Variants in SLC24A2 observed in about 807,000 individuals in gnomAD.
SLC24A2 encodes the protein solute carrier family 24 member 2, also known as sodium/potassium/calcium exchanger 2.
SLC24A2 carries 36 observed loss-of-function variants against 62.0 expected under a neutral mutation model. The observed-to-expected ratio is 0.58, with a 90% CI of 0.44 to 0.77. The LOEUF is 0.77. SLC24A2 is among the 30% of genes least tolerant of loss of function. SLC24A2 has a pLI of 0.00. For missense variants in SLC24A2, 846 were observed against 817.9 expected, an observed-to-expected ratio of 1.03 and a Z score of -0.42; for synonymous variants, 358 against 294.0, an observed-to-expected ratio of 1.22 and a Z score of -2.23.
chr9:19,856,394 T>G, the SLC24A2 span, among the ~76,000 whole-genome samples: 3 of 152,010 alleles, frequency 2.0e-5, no homozygotes, highest in Non-Finnish European at 4.4e-5. Flanking sequence ...AGCAATTTTG[T>G]GTTGATTTTT....
At chr9:19,742,044 T>G (rs1415586002) in intron 2 of SLC24A2, among the ~76,000 whole-genome samples, 1 of 152,214 alleles carries the variant, frequency 6.6e-6, no homozygotes, top group Non-Finnish European at 1.5e-5. Context: ...TTCACACTAT[T>G]TCTTTTAAAG....
At chr9:19,801,534 A>G in the SLC24A2 span, among the ~76,000 whole-genome samples, 978 of 152,312 alleles carry the variant, frequency 6.4e-3, 11 homozygotes, top group African/African-American at 0.022. Context: ...GCTCCCATAC[A>G]AAGGGAGGGG....
intron 7 of SLC24A2, among the ~76,000 whole-genome samples, chr9:19,569,982 A>AT (rs1164197839): frequency 1.3e-5 from 2 of 152,056 alleles, no homozygotes; most frequent in African/African-American, 4.8e-5. Flanking sequence ...GAGCCTCTCC[A>AT]TTTTCCTTCC....
intron 2 of SLC24A2, among the ~76,000 whole-genome samples, chr9:19,726,653 C>A (rs1017864978): frequency 1.3e-5 from 2 of 152,160 alleles, no homozygotes; most frequent in African/African-American, 4.8e-5. Context: ...TTATTTGGCA[C>A]TAAATATCCT....
At chr9:20,229,603 T>C in the SLC24A2 span, among the ~76,000 whole-genome samples, 1 of 152,110 alleles carries the variant, frequency 6.6e-6, no homozygotes, top group Non-Finnish European at 1.5e-5. Context: ...TTTGTCAACT[T>C]TTCCTTTGAG....
At chr9:19,701,678 AC>A in intron 2 of SLC24A2, among the ~76,000 whole-genome samples, 1 of 152,268 alleles carries the variant, frequency 6.6e-6, no homozygotes, top group Non-Finnish European at 1.5e-5. Flanking sequence ...GCACAAGTAG[AC>A]CCAAACTGTG....
At chr9:19,835,889 G>A in the SLC24A2 span, among the ~76,000 whole-genome samples, 2 of 152,196 alleles carry the variant, frequency 1.3e-5, no homozygotes, top group Non-Finnish European at 2.9e-5. Flanking sequence ...TTAGACAACA[G>A]TGCAATCAAA....
the SLC24A2 span, among the ~76,000 whole-genome samples, chr9:20,280,279 A>G: frequency 1.3e-5 from 2 of 152,178 alleles, no homozygotes; most frequent in Admixed American, 6.5e-5. Context: ...AGGTGGTCCT[A>G]TCTTCAGGCA....
chr9:20,288,027 G>T, the SLC24A2 span, among the ~76,000 whole-genome samples: 1 of 75,680 alleles, frequency 1.3e-5, no homozygotes, highest in Non-Finnish European at 2.1e-5. Flanking sequence ...TGGGAAGGGA[G>T]GAGTTAGGAA....
chr9:20,232,384 A>G, the SLC24A2 span, among the ~76,000 whole-genome samples: 2 of 152,170 alleles, frequency 1.3e-5, no homozygotes, highest in African/African-American at 4.8e-5. Flanking sequence ...TTTGGTTGGT[A>G]AGCTATTGAT....
intron 4 of SLC24A2, among the ~76,000 whole-genome samples, chr9:19,605,821 T>A (rs1391873625): frequency 1.3e-5 from 2 of 152,254 alleles, no homozygotes; most frequent in African/African-American, 4.8e-5. Context: ...TTATCTTTCC[T>A]ATTTTACAAA....
the SLC24A2 span, among the ~76,000 whole-genome samples, chr9:19,877,295 A>G: frequency 6.7e-6 from 1 of 148,648 alleles, no homozygotes; most frequent in Admixed American, 6.7e-5. Context: ...ACAGGCTGGG[A>G]AGAGAGAGAC....
rs186792670 is a variant in SLC24A2, at chr9:19,748,579, G to T, written c.930+37358C>A. Among the ~76,000 whole-genome samples the T allele has an allele frequency of 9.6e-4, 146 of 152,168 alleles. 1 individual carries two copies. The highest frequency in any genetic ancestry group is 3.3e-3 in the African/African-American group (138 of 41,524). On this transcript the variant is annotated intron_variant, in intron 2 of 10. Coordinates refer to ENST00000341998, the MANE Select transcript of SLC24A2 (RefSeq NM_020344.4). ...GTGGGTTAATGTTAAAATTATGATC[G>T]TTGTGGTTTAACCTGATAATAAATT...
chr9:20,093,013 G>C, the SLC24A2 span, among the ~76,000 whole-genome samples: 1 of 151,962 alleles, frequency 6.6e-6, no homozygotes, highest in Non-Finnish European at 1.5e-5. Flanking sequence ...GATTTCTTAT[G>C]TGAATTGTAT....
At chr9:20,083,921 C>T in the SLC24A2 span, among the ~76,000 whole-genome samples, 6 of 152,326 alleles carry the variant, frequency 3.9e-5, no homozygotes, top group East Asian at 9.6e-4. Context: ...GTCGCTGTTA[C>T]ACTGTTAGCT....
the SLC24A2 span, among the ~76,000 whole-genome samples, chr9:19,865,303 T>C: frequency 1.3e-5 from 2 of 151,982 alleles, no homozygotes; most frequent in Admixed American, 1.3e-4. Flanking sequence ...AAAATACCAA[T>C]AACATTCTTC....
At chr9:19,919,140 G>A in the SLC24A2 span, among the ~76,000 whole-genome samples, 2 of 152,126 alleles carry the variant, frequency 1.3e-5, no homozygotes, top group Admixed American at 1.3e-4. Flanking sequence ...AGCTTGCTTC[G>A]GGGAAATGAC....
chr9:19,516,884 G>C (rs1586873780), intron 10 of SLC24A2, among the ~76,000 whole-genome samples: 1 of 152,150 alleles, frequency 6.6e-6, no homozygotes, highest in Admixed American at 6.5e-5. Flanking sequence ...CTAAAGGCAA[G>C]TGAAATTAAA....
chr9:20,227,807 CAT>C, the SLC24A2 span, among the ~76,000 whole-genome samples: 1 of 152,072 alleles, frequency 6.6e-6, no homozygotes, highest in Non-Finnish European at 1.5e-5. Flanking sequence ...AACAAGGTCA[CAT>C]ACACACACAT....
Sources: gnomAD v4.1 joint callset for allele counts (sites outside exome capture counted in the v4.1 genomes callset) on GRCh38, gnomAD v4.1.1 for gene constraint, MANE v1.5 for transcripts, NCBI Gene and HGNC (gene_info 2026-07-23, HGNC 2026-07-21) for gene names.